Variants in SLC12A5 observed in about 807,000 individuals in gnomAD.
SLC12A5 encodes the protein solute carrier family 12 member 5, also known as K-Cl cotransporter 2.
Under a neutral mutation model 124.0 loss-of-function variants are expected in SLC12A5, and 18 were observed. The observed-to-expected ratio is 0.15, with a 90% CI of 0.10 to 0.22. SLC12A5 has a LOEUF of 0.22. SLC12A5 is among the 10% of genes least tolerant of loss of function. SLC12A5 has a pLI of 1.00. For missense variants in SLC12A5, 867 were observed against 1,478.7 expected, an observed-to-expected ratio of 0.59 and a Z score of 6.78; for synonymous variants, 589 against 568.0, an observed-to-expected ratio of 1.04 and a Z score of -0.53.
intron 1 of SLC12A5, chr20:46,022,593 T>C (rs2084364640): frequency 5.4e-6 from 2 of 372,932 alleles, no homozygotes; most frequent in Non-Finnish European, 9.5e-6. Context: ...GTATGGATCC[T>C]GGGCAGCGAG....
In SLC12A5 at chr20:46,057,123, T is replaced by A. The variant is rs756028731; in HGVS notation, c.3126-47T>A. ...GGAAGGGCGACTGGCTCCAATCTTC[T>A]CTACCCCCCCGGCTCACGCGGTCTC... On this transcript the variant is annotated intron_variant, in intron 24 of 25. Coordinates refer to ENST00000243964, the MANE Select transcript of SLC12A5 (RefSeq NM_020708.5). This position sits in a 1 kb window ranked among gnomAD's most constrained non-coding sequence, Gnocchi z 7.1. The A allele has an allele frequency of 6.2e-7, 1 of 1,611,090 alleles. No homozygotes were observed. Among genetic ancestry groups the A allele is most frequent in the East Asian group, 2.2e-5 (1 of 44,778 alleles).
intron 7 of SLC12A5, 90 bp downstream of exon 7, chr20:46,040,704 C>G (rs2084538357): frequency 6.4e-7 from 1 of 1,551,834 alleles, no homozygotes. Context: ...CTCCCTGCCC[C>G]TCAGAATCTC....
At position 46,058,133 on chromosome 20, in the gene SLC12A5, G is replaced by T; in HGVS notation, c.*528G>T. On this transcript the variant is annotated 3_prime_UTR_variant, in exon 26 of 26. Coordinates refer to ENST00000243964, the MANE Select transcript of SLC12A5 (RefSeq NM_020708.5). The surrounding 1 kb of genome is among the most constrained non-coding windows in gnomAD (Gnocchi z 5.8). ...CCGAGCCTATACATAGTGTACAGGA[G>T]ACATCGCGTGTATTTTTAACGTCCC... The T allele has an allele frequency of 4.9e-6, 1 of 206,122 alleles. No individual in the cohort carries two copies. Among genetic ancestry groups the T allele is most frequent in the Non-Finnish European group, 9.6e-6 (1 of 103,846 alleles). 12.8% of individuals were successfully genotyped at this position (206,122 alleles called of 1,614,324 possible).
At chr20:46,031,618 G>A (rs894309379) in intron 1 of SLC12A5, among the ~76,000 whole-genome samples, 1 of 152,178 alleles carries the variant, frequency 6.6e-6, no homozygotes, top group Non-Finnish European at 1.5e-5. Flanking sequence ...TTTCTCCTTG[G>A]GGTCTGACGC....
In SLC12A5 at chr20:46,043,165, G is replaced by A; in HGVS notation, c.1079G>A (p.Ser360Asn). Residue 360 changes from serine (S) to asparagine (N), a missense_variant, in exon 9 of 26, where the codon AGC becomes AAC. Around this residue, in one of 9 missense-constraint regions of SLC12A5, gnomAD observed 127 missense variants for 164.1 expected, o/e 0.77. Transcript: ENST00000243964. Reference protein sequence around the residue: ...ASGLIKENLWSSYLTKGVIVE... With the variant: ...ASGLIKENLWNSYLTKGVIVE... ...TGTCTCCCCACAGAGAACCTCTGGA[G>A]CTCCTACCTGACCAAGGGCGTGATT... 1.9e-6 allele frequency: 3 copies of A among 1,613,858 alleles called. No individual in the cohort carries two copies. The highest frequency in any genetic ancestry group is 2.5e-6 in the Non-Finnish European group (3 of 1,179,898).
upstream of SLC12A5, among the ~76,000 whole-genome samples, chr20:46,027,385 C>G (rs1023779522): frequency 6.6e-6 from 1 of 152,176 alleles, no homozygotes; most frequent in Admixed American, 6.5e-5. Context: ...CCACGGTTGA[C>G]CCAATCTGAA....
intron 4 of SLC12A5, 106 bp downstream of exon 4, chr20:46,036,029 G>A (rs2084495656): frequency 2.2e-6 from 3 of 1,347,490 alleles, no homozygotes; most frequent in South Asian, 1.5e-5. Context: ...CTTTTTATAG[G>A]AACCACTGCT....
Position 46,057,572 on chromosome 20 carries a change from C to T in SLC12A5, c.3318C>T (p.Gly1106=), listed in dbSNP as rs1177796261. 2 of 1,613,922 alleles carry T rather than the reference C, an allele frequency of 1.2e-6. No homozygotes were observed. Among genetic ancestry groups the T allele is most frequent in the Non-Finnish European group, 8.5e-7 (1 of 1,179,946 alleles). The change falls in exon 26 of 26, where the codon GGC becomes GGT. Residue 1106 remains glycine (G), a synonymous_variant. Coordinates refer to ENST00000243964, the MANE Select transcript of SLC12A5 (RefSeq NM_020708.5). The surrounding 1 kb of genome is among the most constrained non-coding windows in gnomAD (Gnocchi z 7.1). ...EHLDRVMLVR[G]GGREVITIYS is the part of the protein sequence containing the mutation. ...TGGACCGGGTGATGCTGGTCCGCGGCGGCGGCCGCGAGGTCATCACCATCT... is the reference window on the plus strand; with the variant it reads ...TGGACCGGGTGATGCTGGTCCGCGGTGGCGGCCGCGAGGTCATCACCATCT...
intron 7 of SLC12A5, 66 bp from the exon 8 acceptor site, chr20:46,041,263 G>C: frequency 7.1e-7 from 1 of 1,403,916 alleles, no homozygotes; most frequent in South Asian, 1.2e-5. Context: ...TCTCCCGGTG[G>C]CTGTATTGTG....
intron 15 of SLC12A5, 138 bp from the exon 16 acceptor site, chr20:46,047,843 C>A (rs2145497092): frequency 1.1e-6 from 1 of 880,974 alleles, no homozygotes; most frequent in Non-Finnish European, 1.7e-6. Context: ...TTGGTTGAGT[C>A]TGTTGGCAGG....
chr20:46,052,882 T>C (rs1417339836), intron 18 of SLC12A5, 75 bp from the exon 19 acceptor site: 10 of 1,478,562 alleles, frequency 6.8e-6, no homozygotes, highest in Non-Finnish European at 7.3e-6. Flanking sequence ...CCAGGAGCCC[T>C]TGTGGCTGCT....
chr20:46,030,687 G>A (rs1266675154), intron 1 of SLC12A5, among the ~76,000 whole-genome samples: 1 of 152,184 alleles, frequency 6.6e-6, no homozygotes, highest in Non-Finnish European at 1.5e-5. Context: ...GAAAGAGCAG[G>A]GTCTTCTAGG....
intron 4 of SLC12A5, chr20:46,036,164 C>A: frequency 2.2e-6 from 1 of 455,726 alleles, no homozygotes; most frequent in Non-Finnish European, 3.8e-6. Flanking sequence ...TGATGCAGCT[C>A]ATTGATGGAA....
At chr20:46,035,588 G>A in intron 3 of SLC12A5, 53 bp downstream of exon 3, 6 of 1,525,902 alleles carry the variant, frequency 3.9e-6, no homozygotes, top group Non-Finnish European at 5.3e-6. Context: ...TGGGGGGTGG[G>A]GGAGGATGGG....
intron 4 of SLC12A5, 38 bp downstream of exon 4, chr20:46,035,961 T>G (rs2084494957): frequency 6.3e-7 from 1 of 1,582,888 alleles, no homozygotes; most frequent in Non-Finnish European, 8.6e-7. Context: ...CCCTGACAGC[T>G]GGGGCTTGGC....
At chr20:46,029,147 T>G, upstream of SLC12A5, 6 of 1,395,688 alleles carry the variant, frequency 4.3e-6, no homozygotes, top group East Asian at 5.7e-5. Flanking sequence ...GCGCCGCTGC[T>G]GAGAGGGGGC....
chr20:46,043,947 G>T lies in SLC12A5; in HGVS notation c.1394+14G>T. 1 of 1,588,394 alleles carries T rather than the reference G, an allele frequency of 6.3e-7. No individual in the cohort carries two copies. The highest frequency in any genetic ancestry group is 8.6e-7 in the Non-Finnish European group (1 of 1,166,568). ...CCTGCGGGACAAGTAAGATAATTGGGGTTGATCCTATTCTGGGGGAGGGGT... is the reference window on the plus strand; with the variant it reads ...CCTGCGGGACAAGTAAGATAATTGGTGTTGATCCTATTCTGGGGGAGGGGT... On this transcript the variant is annotated intron_variant, in intron 11 of 25. Coordinates refer to ENST00000243964, the MANE Select transcript of SLC12A5 (RefSeq NM_020708.5).
chr20:46,058,794 C>T lies in SLC12A5; in HGVS notation c.*1189C>T, dbSNP rs2084721929. On this transcript the variant is annotated 3_prime_UTR_variant, in exon 26 of 26. Transcript: ENST00000243964. The surrounding 1 kb of genome is among the most constrained non-coding windows in gnomAD (Gnocchi z 5.8). ...CCGGACCCACTGAGAGGCCCCAGAG[C>T]CGCCCGTGATGTTCCTCCCCCGTCC... 6 of 398,120 alleles carry T rather than the reference C, an allele frequency of 1.5e-5. No individual in the cohort carries two copies. 24.7% of individuals were successfully genotyped at this position (398,120 alleles called of 1,614,324 possible).
intron 1 of SLC12A5, chr20:46,021,934 G>A: frequency 6.8e-7 from 1 of 1,463,560 alleles, no homozygotes; most frequent in Non-Finnish European, 9.0e-7. Context: ...CGGGACGAGG[G>A]GGAGGGGCCG....
Sources: allele counts gnomAD v4.1 joint callset (sites outside exome capture counted in the v4.1 genomes callset), GRCh38; gene constraint gnomAD v4.1.1; regional missense constraint gnomAD v4.1.1; non-coding constraint Gnocchi (gnomAD v3.1); transcripts MANE v1.5; gene names NCBI Gene and HGNC (gene_info 2026-07-23, HGNC 2026-07-21).